FSHR: variants seen among roughly 807,000 people sequenced by gnomAD.
FSHR encodes follicle stimulating hormone receptor, also known as follicle-stimulating hormone receptor.
FSHR carries 46 observed loss-of-function variants against 52.1 expected under a neutral mutation model. That is an observed-to-expected ratio of 0.88 (90% CI 0.70 to 1.13). The LOEUF (loss-of-function observed/expected upper bound fraction) is 1.13. FSHR is among the 50% of genes most tolerant of loss of function. The pLI is 0.00. For missense variants in FSHR, 964 were observed against 834.6 expected, an observed-to-expected ratio of 1.16 and a Z score of -1.91; for synonymous variants, 399 against 309.6, an observed-to-expected ratio of 1.29 and a Z score of -3.03.
chr2:49,116,701 A>C (rs1671611989), intron 1 of FSHR, among the ~76,000 whole-genome samples: 1 of 152,088 alleles, frequency 6.6e-6, no homozygotes, highest in Non-Finnish European at 1.5e-5. Flanking sequence ...TTATTCTTTA[A>C]ATTTTTTCAG....
chr2:49,140,137 C>A (rs371347392), intron 1 of FSHR, among the ~76,000 whole-genome samples: 4 of 152,182 alleles, frequency 2.6e-5, no homozygotes, highest in Middle Eastern at 3.4e-3. Context: ...CCACACCCAA[C>A]GCTCATGTTA....
rs978541011 is a variant in FSHR at position 49,154,213 on chromosome 2, C to T, written c.152+53G>A. On this transcript the variant is annotated intron_variant, in intron 1 of 9. Transcript: ENST00000406846. ...GCCTAATGTAAAAATAATAATAGTACGCAATGCACAAATGCCAGCCATGCA... is the reference window on the plus strand; with the variant it reads ...GCCTAATGTAAAAATAATAATAGTATGCAATGCACAAATGCCAGCCATGCA... 35 of 1,549,440 alleles carry T rather than the reference C, an allele frequency of 2.3e-5. No individual in the cohort carries two copies. The Admixed American group carries it at 3.0e-4, about 13-fold the overall frequency.
At chr2:49,017,105 G>C (rs915763822) in intron 4 of FSHR, among the ~76,000 whole-genome samples, 4 of 152,154 alleles carry the variant, frequency 2.6e-5, no homozygotes, top group African/African-American at 4.8e-5. Context: ...TATTTATCAA[G>C]GGAAAAATGC....
intron 4 of FSHR, among the ~76,000 whole-genome samples, chr2:49,013,479 T>TAA (rs1277585911): frequency 3.1e-4 from 37 of 121,300 alleles, no homozygotes; most frequent in Admixed American, 5.2e-4. Context: ...TATATATATA[T>TAA]AAATAAATAT....
chr2:49,098,530 G>A (rs575092154), intron 1 of FSHR, among the ~76,000 whole-genome samples: 2 of 151,720 alleles, frequency 1.3e-5, no homozygotes, highest in African/African-American at 4.8e-5. Flanking sequence ...GTGGGAGGTG[G>A]CAGCCACTAT....
chr2:49,033,542 G>GA (rs961261572), intron 2 of FSHR, among the ~76,000 whole-genome samples: 172 of 152,250 alleles, frequency 1.1e-3, no homozygotes, highest in African/African-American at 3.8e-3. Context: ...CTCAGATAAG[G>GA]AAAGAGGGCA....
At chr2:49,039,399 G>C in intron 2 of FSHR, among the ~76,000 whole-genome samples, 1 of 152,178 alleles carries the variant, frequency 6.6e-6, no homozygotes, top group East Asian at 1.9e-4. Context: ...TTTCAGAGAA[G>C]TCTCCACCTG....
At chr2:49,058,086 C>T (rs1341306401) in intron 2 of FSHR, among the ~76,000 whole-genome samples, 1 of 152,134 alleles carries the variant, frequency 6.6e-6, no homozygotes, top group African/African-American at 2.4e-5. Context: ...AAGCTGAAAG[C>T]TTTTTCTCTA....
At chr2:48,973,138 C>T (rs532562325) in intron 8 of FSHR, among the ~76,000 whole-genome samples, 8 of 152,156 alleles carry the variant, frequency 5.3e-5, no homozygotes, top group Non-Finnish European at 1.2e-4. Flanking sequence ...ACAGAGTCTT[C>T]AGCTGCCATG....
intron 2 of FSHR, among the ~76,000 whole-genome samples, chr2:49,029,274 A>G (rs1668018316): frequency 6.6e-6 from 1 of 152,206 alleles, no homozygotes. Context: ...TGTTTATTGA[A>G]TTACGGGCCC....
chr2:48,992,279 CAT>C (rs1675820632), intron 4 of FSHR, among the ~76,000 whole-genome samples: 1 of 152,206 alleles, frequency 6.6e-6, no homozygotes, highest in Non-Finnish European at 1.5e-5. Context: ...ACAATACAGA[CAT>C]AGAACAGTGC....
At chr2:49,066,598 G>A (rs1398433697) in intron 2 of FSHR, among the ~76,000 whole-genome samples, 1 of 152,042 alleles carries the variant, frequency 6.6e-6, no homozygotes, top group Non-Finnish European at 1.5e-5. Flanking sequence ...GATGATTAAT[G>A]AAGACATGAG....
In FSHR at chr2:49,140,188, G is replaced by T. The variant is rs538845539; in HGVS notation, c.152+14078C>A. Reference sequence around the variant, plus strand: ...TTTTGGAGCTAGGGCCTGGTGGGAGGTGTTTGGGTCATGGGGGTGGATCCC... The same window carrying T: ...TTTTGGAGCTAGGGCCTGGTGGGAGTTGTTTGGGTCATGGGGGTGGATCCC... On this transcript the variant is annotated intron_variant, in intron 1 of 9. Coordinates refer to ENST00000406846, the MANE Select transcript of FSHR (RefSeq NM_000145.4). Among the ~76,000 whole-genome samples the T allele has an allele frequency of 2.2e-4, 34 of 152,190 alleles. 1 individual carries two copies. The South Asian group carries it at 6.6e-3, about 30-fold the overall frequency.
chr2:49,114,805 G>C (rs1234194933), intron 1 of FSHR, among the ~76,000 whole-genome samples: 1 of 151,968 alleles, frequency 6.6e-6, no homozygotes, highest in East Asian at 1.9e-4. Context: ...GTTGGGGGAG[G>C]GGACAATAAA....
At chr2:49,102,367 G>A (rs1341322507) in intron 1 of FSHR, among the ~76,000 whole-genome samples, 9 of 152,118 alleles carry the variant, frequency 5.9e-5, no homozygotes, top group South Asian at 2.1e-4. Context: ...GTTCATCAAG[G>A]GAGTCTAAAT....
intron 4 of FSHR, among the ~76,000 whole-genome samples, chr2:48,991,106 C>T (rs1311154710): frequency 6.7e-6 from 1 of 149,760 alleles, no homozygotes; most frequent in African/African-American, 2.5e-5. Flanking sequence ...ATCAGACTCT[C>T]TCCTGGGAAC....
At chr2:49,044,734 C>A (rs570926320) in intron 2 of FSHR, among the ~76,000 whole-genome samples, 1 of 152,060 alleles carries the variant, frequency 6.6e-6, no homozygotes, top group Non-Finnish European at 1.5e-5. Context: ...TGTGTTTGAT[C>A]TAGAAGAAAC....
At chr2:49,026,762 T>C (rs956670159) in intron 2 of FSHR, among the ~76,000 whole-genome samples, 1 of 152,090 alleles carries the variant, frequency 6.6e-6, no homozygotes, top group Non-Finnish European at 1.5e-5. Flanking sequence ...TTATTATTTT[T>C]CCCTGTACAC....
chr2:49,094,214 C>A (rs555233295), intron 1 of FSHR, among the ~76,000 whole-genome samples: 29 of 152,214 alleles, frequency 1.9e-4, no homozygotes, highest in Admixed American at 1.0e-3. Context: ...TTTATTACTT[C>A]AATGGTAATA....
Sources: allele counts gnomAD v4.1 joint callset (sites outside exome capture counted in the v4.1 genomes callset), GRCh38; gene constraint gnomAD v4.1.1; transcripts MANE v1.5; gene names NCBI Gene and HGNC (gene_info 2026-07-23, HGNC 2026-07-21).